Variants in FUT7 observed in about 807,000 individuals in gnomAD.
FUT7 encodes fucosyltransferase 7, also known as alpha-(1,3)-fucosyltransferase 7.
Under a neutral mutation model 5.0 loss-of-function variants are expected in FUT7, and 2 were observed. That is an observed-to-expected ratio of 0.40 (90% CI 0.16 to 1.26). The LOEUF (loss-of-function observed/expected upper bound fraction) is 1.26, where lower values mean the gene tolerates loss of function less well. Ranked by LOEUF, FUT7 falls within the 50% of genes most tolerant of loss-of-function variation. FUT7 has a pLI of 0.32. For synonymous variants in FUT7, 218 were observed against 210.6 expected (o/e 1.03, Z -0.30); for missense variants, 461 against 489.8 (o/e 0.94, Z 0.55).
Position 137,031,744 on chromosome 9 carries a change from G to C in FUT7, c.14-19C>G. 6.5e-7 allele frequency: 1 copy of C among 1,540,778 alleles called. No homozygotes were observed. The highest frequency in any genetic ancestry group is 1.2e-5 in the South Asian group (1 of 83,986). Reference sequence around the variant, plus strand: ...CCGTGCCCTGCAGCAGCACGAGGGAGGGGAGGCTCTGTCACTTGGGCTCAG... The same window carrying C: ...CCGTGCCCTGCAGCAGCACGAGGGACGGGAGGCTCTGTCACTTGGGCTCAG... On this transcript the variant is annotated intron_variant, in intron 1 of 1. Transcript: ENST00000314412.
chr9:137,031,922 C>T, intron 1 of FUT7, 57 bp downstream of exon 1: 2 of 1,595,294 alleles, frequency 1.3e-6, no homozygotes, highest in East Asian at 4.5e-5. Flanking sequence ...CCCGTCCTCC[C>T]CTCCCAGGTT....
chr9:137,030,404 C>T lies in FUT7; in HGVS notation c.*306G>A. On this transcript the variant is annotated 3_prime_UTR_variant, in exon 2 of 2. Coordinates refer to ENST00000314412, the MANE Select transcript of FUT7 (RefSeq NM_004479.4). ...AACTTCAGGCTGGGGTGCCCCCCAG[C>T]CCCAAGGGCCCTGCCTTTCACCCTC... is the stretch of plus-strand genomic sequence containing the variant. The T allele has an allele frequency of 2.3e-6, 1 of 427,236 alleles. No individual in the cohort carries two copies. The highest frequency in any genetic ancestry group is 2.4e-5 in the South Asian group (1 of 42,540). The allele number at this position is 427,236 out of a possible 1,614,324, so 26.5% of individuals were successfully genotyped here. A position where few individuals can be genotyped will look rare whatever the true frequency, so the allele number is the denominator to read the frequency against.
Position 137,031,214 on chromosome 9 carries a change from C to T in FUT7, c.525G>A (p.Trp175Ter). The change falls in exon 2 of 2, where the codon TGG becomes TGA. Residue 175 changes from tryptophan (W) to a stop codon, truncating the protein, a stop_gained. Coordinates refer to ENST00000314412, the MANE Select transcript of FUT7 (RefSeq NM_004479.4). LOFTEE classifies it low-confidence loss of function (END_TRUNC). ...GCCGCTCCTGGAAGTTGCTGACCACCCAGGCGGCCACCCTGCTCTTGGCTG... is the reference window on the plus strand; with the variant it reads ...GCCGCTCCTGGAAGTTGCTGACCACTCAGGCGGCCACCCTGCTCTTGGCTG... ...PLPAKSRVAA[W>*]VVSNFQERQL... 7 of 1,609,594 alleles carry T rather than the reference C, an allele frequency of 4.3e-6. No individual in the cohort carries two copies. Among genetic ancestry groups the T allele is most frequent in the Non-Finnish European group, 5.9e-6 (7 of 1,178,684 alleles).
At position 137,030,899 on chromosome 9, in the gene FUT7, G is replaced by A; in HGVS notation, c.840C>T (p.Ala280=). The change falls in exon 2 of 2, where the codon GCC becomes GCT. Residue 280 remains alanine (A), a synonymous_variant. Transcript: ENST00000314412. ...CAGTGAGGAAAGCCGCCAGCTCTCG[G>A]GCTGAGCCAAAGTCATCCACATGCA... ...AFVHVDDFGS[A]RELAAFLTGM... 2 of 1,612,782 alleles carry A rather than the reference G, an allele frequency of 1.2e-6. No homozygotes were observed. The highest frequency in any genetic ancestry group is 1.7e-6 in the Non-Finnish European group (2 of 1,180,010).
Position 137,030,613 on chromosome 9 carries a change from G to T in FUT7, c.*97C>A. The T allele has an allele frequency of 6.9e-7, 1 of 1,458,062 alleles. No individual in the cohort carries two copies. The highest frequency in any genetic ancestry group is 9.4e-7 in the Non-Finnish European group (1 of 1,060,106). The allele number at this position is 1,458,062 out of a possible 1,614,324, so 90.3% of individuals were successfully genotyped here. On this transcript the variant is annotated 3_prime_UTR_variant, in exon 2 of 2. Coordinates refer to ENST00000314412, the MANE Select transcript of FUT7 (RefSeq NM_004479.4). ...TCCTGACCTCTGTGCCCAGCCTCCC[G>T]TTAGCCCGCTGCTTGCCGGTAAGGG...
At position 137,031,406 on chromosome 9, in the gene FUT7, C is replaced by A. The variant is rs779833281; in HGVS notation, c.333G>T (p.Pro111=). The part of the protein sequence containing the change: ...RRSHLPLAQR[P]RGQPWVWASM... ...AGGCCCACACCCAGGGCTGCCCTCG[C>A]GGCCGCTGGGCCAGGGGCAGGTGGG... Residue 111 remains proline, a synonymous_variant, in exon 2 of 2, where the codon CCG becomes CCT. Coordinates refer to ENST00000314412, the MANE Select transcript of FUT7 (RefSeq NM_004479.4). 18 of 1,563,626 alleles carry A rather than the reference C, an allele frequency of 1.2e-5. No individual in the cohort carries two copies. Among genetic ancestry groups the A allele is most frequent in the South Asian group, 2.3e-5 (2 of 86,094 alleles).
At position 137,030,883 on chromosome 9, in the gene FUT7, A is replaced by G; in HGVS notation, c.856T>C (p.Phe286Leu). 1 of 1,612,826 alleles carries G rather than the reference A, an allele frequency of 6.2e-7. No homozygotes were observed. The highest frequency in any genetic ancestry group is 1.7e-5 in the Admixed American group (1 of 60,034). Residue 286 changes from phenylalanine to leucine, a missense_variant, in exon 2 of 2, where the codon TTC becomes CTC. By Grantham distance (22) the Phe-to-Leu change is conservative. Transcript: ENST00000314412. ...DFGSARELAA[F>L]LTGMNESRYQ... ...CGGCTCTCATTCATGCCAGTGAGGAAAGCCGCCAGCTCTCGGGCTGAGCCA... is the reference window on the plus strand; with the variant it reads ...CGGCTCTCATTCATGCCAGTGAGGAGAGCCGCCAGCTCTCGGGCTGAGCCA...
chr9:137,031,952 G>C (rs1831866156), intron 1 of FUT7, 27 bp downstream of exon 1: 1 of 1,611,458 alleles, frequency 6.2e-7, no homozygotes, highest in South Asian at 1.1e-5. Flanking sequence ...TCCCCAGCTT[G>C]GGCCTCCCCG....
Position 137,031,519 on chromosome 9 carries a change from C to T in FUT7, c.220G>A (p.Ala74Thr), listed in dbSNP as rs774607710. The T allele has an allele frequency of 1.8e-5, 28 of 1,556,444 alleles. No homozygotes were observed. Among genetic ancestry groups the T allele is most frequent in the African/African-American group, 6.8e-5 (5 of 73,584 alleles). The part of the protein sequence containing the change: ...PSDTCTRYGI[A>T]RCHLSANRSL... ...CGGTTGGCACTCAGGTGGCAGCGGG[C>T]GATGCCGTAGCGGGTGCAGGTGTCG... Residue 74 changes from alanine (A) to threonine (T), a missense_variant, in exon 2 of 2, where the codon GCC becomes ACC. Transcript: ENST00000314412.
Position 137,031,396 on chromosome 9 carries a change from G to T in FUT7, c.343C>A (p.Pro115Thr). 7 of 1,569,656 alleles carry T rather than the reference G, an allele frequency of 4.5e-6. No homozygotes were observed. The highest frequency in any genetic ancestry group is 5.2e-6 in the Non-Finnish European group (6 of 1,158,876). Residue 115 changes from proline (P) to threonine (T), a missense_variant, in exon 2 of 2, where the codon CCC becomes ACC. Pro to Thr is a conservative substitution (Grantham distance 38). Transcript: ENST00000314412. ...LPLAQRPRGQ[P>T]WVWASMESPS... The stretch of plus-strand genomic sequence containing the variant: ...GACTCCATGGAGGCCCACACCCAGG[G>T]CTGCCCTCGCGGCCGCTGGGCCAGG...
At chr9:137,031,907 C>A in intron 1 of FUT7, 72 bp downstream of exon 1, 1 of 1,568,782 alleles carries the variant, frequency 6.4e-7, no homozygotes. Context: ...CCACTCAGCG[C>A]CACCCCCGTC....
rs142500514 is a variant in FUT7, at chr9:137,030,861, C to G, written c.878G>C (p.Ser293Thr). The G allele has an allele frequency of 3.8e-5, 61 of 1,612,712 alleles. No homozygotes were observed. The highest frequency in any genetic ancestry group is 1.6e-4 in the Middle Eastern group (1 of 6,084). The change falls in exon 2 of 2, where the codon AGC (serine) becomes ACC (threonine). Residue 293 changes from serine (S) to threonine (T), a missense_variant. Physicochemically the swap from Ser to Thr is moderately conservative, Grantham distance 58. Coordinates refer to ENST00000314412, the MANE Select transcript of FUT7 (RefSeq NM_004479.4). ...LAAFLTGMNE[S>T]RYQRFFAWRD... ...CCAGGCAAAGAAGCGTTGGTATCGG[C>G]TCTCATTCATGCCAGTGAGGAAAGC...
Position 137,032,038 on chromosome 9 carries a change from A to C in FUT7, c.-47T>G. On this transcript the variant is annotated 5_prime_UTR_variant, in exon 1 of 2. Coordinates refer to ENST00000314412, the MANE Select transcript of FUT7 (RefSeq NM_004479.4). ...CAGCCAAGAGACCCGAGATTCTCAAATCACGGCAGCCGCCAGAGGTGCCCC... is the reference window on the plus strand; with the variant it reads ...CAGCCAAGAGACCCGAGATTCTCAACTCACGGCAGCCGCCAGAGGTGCCCC... 1 of 1,607,466 alleles carries C rather than the reference A, an allele frequency of 6.2e-7. No homozygotes were observed. The highest frequency in any genetic ancestry group is 1.1e-5 in the South Asian group (1 of 90,956).
Position 137,030,473 on chromosome 9 carries a change from G to A in FUT7, c.*237C>T, listed in dbSNP as rs1470556069. On this transcript the variant is annotated 3_prime_UTR_variant, in exon 2 of 2. Coordinates refer to ENST00000314412, the MANE Select transcript of FUT7 (RefSeq NM_004479.4). ...CCACCCAAGATTTGTTCAGGGTGGGGAGGGTCCTCGGCAGCCTTTCCCCTC... is the reference window on the plus strand; with the variant it reads ...CCACCCAAGATTTGTTCAGGGTGGGAAGGGTCCTCGGCAGCCTTTCCCCTC... 4 of 594,464 alleles carry A rather than the reference G, an allele frequency of 6.7e-6. No individual in the cohort carries two copies. The highest frequency in any genetic ancestry group is 1.9e-5 in the African/African-American group (1 of 53,968). 36.8% of individuals were successfully genotyped at this position (594,464 alleles called of 1,614,324 possible).
At chr9:137,031,915 G>A (rs554926814) in intron 1 of FUT7, 64 bp downstream of exon 1, 96 of 1,416,240 alleles carry the variant, frequency 6.8e-5, no homozygotes, top group Admixed American at 2.8e-4. Flanking sequence ...CGCCACCCCC[G>A]TCCTCCCCTC....
chr9:137,030,266 CTACACA>C lies in FUT7; in HGVS notation c.*438_*443del, dbSNP rs1831816165. 1 of 238,518 alleles carries C rather than the reference CTACACA, an allele frequency of 4.2e-6. No individual in the cohort carries two copies. The highest frequency in any genetic ancestry group is 8.5e-6 in the Non-Finnish European group (1 of 118,292). 14.8% of individuals were successfully genotyped at this position (238,518 alleles called of 1,614,324 possible). ...GTGGTCTCCTGGGCCCCGCCCCAGC[CTACACA>C]CAGGGACCTCAGAACTATGGACGTG... On this transcript the variant is annotated 3_prime_UTR_variant, in exon 2 of 2. Coordinates refer to ENST00000314412, the MANE Select transcript of FUT7 (RefSeq NM_004479.4).
At position 137,031,705 on chromosome 9, in the gene FUT7, G is replaced by C. The variant is rs1371055831; in HGVS notation, c.34C>G (p.Leu12Val). 1.3e-6 allele frequency: 2 copies of C among 1,546,810 alleles called. No individual in the cohort carries two copies. Among genetic ancestry groups the C allele is most frequent in the Non-Finnish European group, 1.7e-6 (2 of 1,147,406 alleles). Residue 12 changes from leucine (L) to valine (V), a missense_variant, in exon 2 of 2, where the codon CTG (leucine) becomes GTG (valine). Leu to Val is a conservative substitution (Grantham distance 32, BLOSUM62 1). Transcript: ENST00000314412. ...NNAGHGPTRR[L>V]RGLGVLAGVA... ...CCGGCCAGGACCCCCAAGCCTCGCAGCCTCCGGGTGGGGCCGTGCCCTGCA... is the reference window on the plus strand; with the variant it reads ...CCGGCCAGGACCCCCAAGCCTCGCACCCTCCGGGTGGGGCCGTGCCCTGCA...
Position 137,031,594 on chromosome 9 carries a change from T to C in FUT7, c.145A>G (p.Ile49Val). The C allele has an allele frequency of 6.4e-7, 1 of 1,567,286 alleles. No homozygotes were observed. Among genetic ancestry groups the C allele is most frequent in the African/African-American group, 1.3e-5 (1 of 74,170 alleles). ...GTGAAGGGCCAGTGCCAGACAAGGATGGTGATCGTGGGCTGGGGTGCCGGG... is the reference window on the plus strand; with the variant it reads ...GTGAAGGGCCAGTGCCAGACAAGGACGGTGATCGTGGGCTGGGGTGCCGGG... ...GTPAPQPTIT[I>V]LVWHWPFTDQ... Residue 49 changes from isoleucine (I) to valine (V), a missense_variant, in exon 2 of 2, where the codon ATC (isoleucine) becomes GTC (valine). Transcript: ENST00000314412.
At position 137,031,477 on chromosome 9, in the gene FUT7, C is replaced by T. The variant is rs149900747; in HGVS notation, c.262G>A (p.Ala88Thr). 1.1e-5 allele frequency: 17 copies of T among 1,552,926 alleles called. No individual in the cohort carries two copies. Among genetic ancestry groups the T allele is most frequent in the East Asian group, 2.4e-5 (1 of 41,508 alleles). ...CGGTGGTGGAAGACCACGGCGTCGG[C>T]GCTGGCCAGCAGGCTTCGGTTGGCA... ...LSANRSLLAS[A>T]DAVVFHHREL... The change falls in exon 2 of 2, where the codon GCC becomes ACC. Residue 88 changes from alanine (A) to threonine (T), a missense_variant. By Grantham distance (58) the Ala-to-Thr change is moderately conservative (BLOSUM62 0). Coordinates refer to ENST00000314412, the MANE Select transcript of FUT7 (RefSeq NM_004479.4).
Sources: gnomAD v4.1 joint callset for allele counts on GRCh38, gnomAD v4.1.1 for gene constraint, MANE v1.5 for transcripts, NCBI Gene and HGNC (gene_info 2026-07-23, HGNC 2026-07-21) for gene names.